Variants in KCNMB1 observed in about 807,000 individuals in gnomAD.
The protein encoded by KCNMB1 is potassium calcium-activated channel subfamily M regulatory beta subunit 1, also known as calcium-activated potassium channel subunit beta-1.
Under a neutral mutation model 21.7 loss-of-function variants are expected in KCNMB1, and 22 were observed. The observed-to-expected ratio is 1.01, with a 90% CI of 0.72 to 1.45. The LOEUF is 1.45. Among genes scored for constraint, KCNMB1 ranks in the 40% most tolerant of loss-of-function variants. The pLI, the probability that KCNMB1 is intolerant of heterozygous loss-of-function variation, is 0.00. For synonymous variants in KCNMB1, 114 were observed against 107.6 expected (o/e 1.06, Z -0.37); for missense variants, 243 against 243.4 (o/e 1.00, Z 0.01).
intron 3 of KCNMB1, among the ~76,000 whole-genome samples, chr5:170,380,253 G>T (rs970794876): frequency 2.6e-5 from 4 of 152,226 alleles, no homozygotes; most frequent in African/African-American, 9.7e-5. Context: ...AGCTGCAAGT[G>T]TGGTGCCCCC....
rs1355591522 is a variant in KCNMB1 at position 170,375,713 on chromosome 5, C to T, written c.*2991G>A. The T allele has an allele frequency of 1.3e-5, 2 of 152,320 alleles. No homozygotes were observed. Among genetic ancestry groups the T allele is most frequent in the African/African-American group, 2.4e-5 (1 of 41,456 alleles). The allele number at this position is 152,320 out of a possible 1,614,324, so 9.4% of individuals were successfully genotyped here. On this transcript the variant is annotated 3_prime_UTR_variant, in exon 4 of 4. Coordinates refer to ENST00000274629, the MANE Select transcript of KCNMB1 (RefSeq NM_004137.4). The stretch of plus-strand genomic sequence containing the variant: ...GCTTGAGTCCTAGCCCCTCACTTTA[C>T]AGATGGCCTTGGCCAGTTACCTCTT...
rs1481312006 is a variant in KCNMB1 at position 170,376,534 on chromosome 5, T to C, written c.*2170A>G. ...CCTCCTCCTACCTCCCGCCCTCCAA[T>C]AGGCCTCAGTGTGTGTTGTTCCCCT... On this transcript the variant is annotated 3_prime_UTR_variant, in exon 4 of 4. Transcript: ENST00000274629. 1 of 152,128 alleles carries C rather than the reference T, an allele frequency of 6.6e-6. No individual in the cohort carries two copies. The highest frequency in any genetic ancestry group is 2.4e-5 in the African/African-American group (1 of 41,422). 9.4% of individuals were successfully genotyped at this position (152,128 alleles called of 1,614,324 possible).
chr5:170,378,425 C>T lies in KCNMB1; in HGVS notation c.*279G>A. 1 of 382,342 alleles carries T rather than the reference C, an allele frequency of 2.6e-6. No individual in the cohort carries two copies. The highest frequency in any genetic ancestry group is 4.3e-5 in the Admixed American group (1 of 23,500). 23.7% of individuals were successfully genotyped at this position (382,342 alleles called of 1,614,324 possible). On this transcript the variant is annotated 3_prime_UTR_variant, in exon 4 of 4. Transcript: ENST00000274629. ...GGGCACATAGTGATGCAGCCGGAAA[C>T]AGGTATGAGTCAGTTGAGTGGGGAC...
intron 1 of KCNMB1, among the ~76,000 whole-genome samples, chr5:170,386,366 G>A (rs1331565363): frequency 6.6e-6 from 1 of 152,160 alleles, no homozygotes; most frequent in East Asian, 1.9e-4. Flanking sequence ...CATCCCCCAC[G>A]GCCACTGCAG....
intron 2 of KCNMB1, 91 bp from the exon 3 acceptor site, chr5:170,383,941 C>G: frequency 7.3e-7 from 1 of 1,372,786 alleles, no homozygotes; most frequent in Admixed American, 2.1e-5. Context: ...CTGGGAGCCT[C>G]TAGAGGGATC....
At chr5:170,383,305 A>T (rs1764326338) in intron 3 of KCNMB1, 1 of 525,858 alleles carries the variant, frequency 1.9e-6, no homozygotes, top group Non-Finnish European at 3.4e-6. Flanking sequence ...GAAAGTACTA[A>T]CACTAATCAC....
intron 1 of KCNMB1, among the ~76,000 whole-genome samples, chr5:170,386,216 G>A (rs887112140): frequency 1.3e-5 from 2 of 152,170 alleles, no homozygotes; most frequent in Non-Finnish European, 2.9e-5. Context: ...TAATCCCAAG[G>A]GTCCTAATAA....
intron 2 of KCNMB1, among the ~76,000 whole-genome samples, chr5:170,384,406 T>A (rs1764381569): frequency 2.0e-5 from 3 of 152,156 alleles, no homozygotes; most frequent in African/African-American, 7.2e-5. Flanking sequence ...GGGGTTTGAG[T>A]TGAGCCAGGA....
chr5:170,382,560 C>G (rs747935841), intron 3 of KCNMB1: 1 of 152,258 alleles, frequency 6.6e-6, no homozygotes, highest in Admixed American at 6.5e-5. Context: ...CGCCATGCCT[C>G]GTCCTATAGG....
At chr5:170,382,433 G>A (rs1207473844) in intron 3 of KCNMB1, among the ~76,000 whole-genome samples, 1 of 152,040 alleles carries the variant, frequency 6.6e-6, no homozygotes, top group African/African-American at 2.4e-5. Context: ...GTGATCAAAG[G>A]CCTCTGGGAA....
chr5:170,381,405 C>A (rs538531164), intron 3 of KCNMB1, among the ~76,000 whole-genome samples: 30 of 152,360 alleles, frequency 2.0e-4, no homozygotes, highest in African/African-American at 7.0e-4. Flanking sequence ...CAGACTATGG[C>A]CCCTACCTTC....
chr5:170,383,350 T>G, intron 3 of KCNMB1: 1 of 582,330 alleles, frequency 1.7e-6, no homozygotes, highest in South Asian at 2.1e-5. Context: ...CCACTCAGCA[T>G]CAAGCGTGGC....
intron 1 of KCNMB1, among the ~76,000 whole-genome samples, chr5:170,388,163 T>A (rs1273727320): frequency 6.6e-6 from 1 of 152,246 alleles, no homozygotes; most frequent in Non-Finnish European, 1.5e-5. Context: ...AAGGAGAGGC[T>A]TCCCTGTCAC....
In KCNMB1 at chr5:170,389,351, G is replaced by C. The variant is rs1581141128; in HGVS notation, c.-117C>G. ...CCCCAAAAGAGGCCACAGAGCTTCA[G>C]CAGGAAGTTTGGCCTCCCCGCCCGT... On this transcript the variant is annotated 5_prime_UTR_variant, in exon 1 of 4. Transcript: ENST00000274629. The C allele has an allele frequency of 6.9e-6, 1 of 145,420 alleles. No individual in the cohort carries two copies. 9.0% of individuals were successfully genotyped at this position (145,420 alleles called of 1,614,324 possible).
In KCNMB1 at chr5:170,377,450, C is replaced by CCCTT. The variant is rs1325494870; in HGVS notation, c.*1250_*1253dup. On this transcript the variant is annotated 3_prime_UTR_variant, in exon 4 of 4. Coordinates refer to ENST00000274629, the MANE Select transcript of KCNMB1 (RefSeq NM_004137.4). ...AAGGTGATGGCTTCTTCCCATTTTGCCCTTTTCAAATCTGAGATAGGCTTC... is the reference window on the plus strand; with the variant it reads ...AAGGTGATGGCTTCTTCCCATTTTGCCCTTCCTTTTCAAATCTGAGATAGGCTTC... 9 of 152,210 alleles carry CCCTT rather than the reference C, an allele frequency of 5.9e-5. No homozygotes were observed. Among genetic ancestry groups the CCCTT allele is most frequent in the Non-Finnish European group, 1.5e-5 (1 of 68,074 alleles). The allele number at this position is 152,210 out of a possible 1,614,324, so 9.4% of individuals were successfully genotyped here.
intron 3 of KCNMB1, among the ~76,000 whole-genome samples, chr5:170,382,294 A>G (rs989230940): frequency 1.3e-5 from 2 of 152,224 alleles, no homozygotes; most frequent in Non-Finnish European, 2.9e-5. Context: ...CTCTGACCAG[A>G]GATTCCACCT....
intron 1 of KCNMB1, 37 bp from the exon 2 acceptor site, chr5:170,385,508 C>T: frequency 6.3e-7 from 1 of 1,592,614 alleles, no homozygotes; most frequent in Non-Finnish European, 8.6e-7. Context: ...GAGATCAGCC[C>T]AGTTCACAGG....
chr5:170,388,609 T>G (rs953058854), intron 1 of KCNMB1, among the ~76,000 whole-genome samples: 3 of 152,238 alleles, frequency 2.0e-5, no homozygotes, highest in Non-Finnish European at 4.4e-5. Context: ...CTGGGTGACC[T>G]GATAGCTGGG....
rs1352682868 is a variant in KCNMB1 at position 170,374,868 on chromosome 5, G to A, written c.*3836C>T. ...CTAGAAGGCCAGTCTTTATTGACAG[G>A]AGGAGAACATCTATCTCAAGCAAAT... On this transcript the variant is annotated 3_prime_UTR_variant, in exon 4 of 4. Coordinates refer to ENST00000274629, the MANE Select transcript of KCNMB1 (RefSeq NM_004137.4). 1 of 152,178 alleles carries A rather than the reference G, an allele frequency of 6.6e-6. No individual in the cohort carries two copies. Among genetic ancestry groups the A allele is most frequent in the South Asian group, 2.1e-4 (1 of 4,818 alleles). The allele number at this position is 152,178 out of a possible 1,614,324, so 9.4% of individuals were successfully genotyped here.
Sources: allele counts gnomAD v4.1 joint callset (sites outside exome capture counted in the v4.1 genomes callset), GRCh38; gene constraint gnomAD v4.1.1; transcripts MANE v1.5; gene names NCBI Gene and HGNC (gene_info 2026-07-23, HGNC 2026-07-21).